STPG2: variants seen among roughly 807,000 people sequenced by gnomAD.
The protein encoded by STPG2 is sperm-tail PG-rich repeat-containing protein 2.
Under a neutral mutation model 54.2 loss-of-function variants are expected in STPG2, and 56 were observed. The ratio of observed to expected loss-of-function variants is 1.03; its 90% CI spans 0.83 to 1.29. The LOEUF (loss-of-function observed/expected upper bound fraction) is 1.29. Ranked by LOEUF, STPG2 falls within the 50% of genes most tolerant of loss-of-function variation. The pLI is 0.00. For missense variants in STPG2, 596 were observed against 544.9 expected (o/e 1.09, Z -0.93); for synonymous variants, 200 against 181.8 (o/e 1.10, Z -0.81).
At chr4:97,531,507 C>G (rs887709182) in intron 4 of STPG2, among the ~76,000 whole-genome samples, 20 of 152,114 alleles carry the variant, frequency 1.3e-4, no homozygotes, top group African/African-American at 4.8e-4. Context: ...TACTTAGACA[C>G]AATGGAGAAC....
chr4:98,040,915 CA>C (rs1035339788), intron 5 of STPG2, among the ~76,000 whole-genome samples: 3 of 151,096 alleles, frequency 2.0e-5, no homozygotes, highest in African/African-American at 7.3e-5. Flanking sequence ...CTTTAAGAAT[CA>C]ACATTGAATC....
intron 8 of STPG2, among the ~76,000 whole-genome samples, chr4:97,851,763 C>T (rs1351150898): frequency 1.3e-5 from 2 of 152,024 alleles, no homozygotes; most frequent in Non-Finnish European, 2.9e-5. Flanking sequence ...CTTCTCTTTG[C>T]TATCAAAAAG....
At chr4:97,530,327 T>C (rs908484592) in intron 4 of STPG2, among the ~76,000 whole-genome samples, 6 of 152,178 alleles carry the variant, frequency 3.9e-5, no homozygotes, top group African/African-American at 1.4e-4. Context: ...CTATCTGTGA[T>C]AGTCTGAGAA....
At chr4:97,578,451 G>A (rs1286778087) in intron 10 of STPG2, among the ~76,000 whole-genome samples, 1 of 152,114 alleles carries the variant, frequency 6.6e-6, no homozygotes, top group Non-Finnish European at 1.5e-5. Context: ...CTGAAGAAGG[G>A]AGCAGTGTTA....
chr4:97,685,813 C>A (rs1723171067), intron 10 of STPG2, among the ~76,000 whole-genome samples: 1 of 152,134 alleles, frequency 6.6e-6, no homozygotes, highest in Admixed American at 6.5e-5. Flanking sequence ...GTGCTTTCAG[C>A]AAAATATTTC....
intron 4 of STPG2, among the ~76,000 whole-genome samples, chr4:97,459,441 T>G (rs1435592598): frequency 2.6e-5 from 3 of 114,094 alleles, no homozygotes; most frequent in East Asian, 2.2e-4. Flanking sequence ...TTTTTTTTTG[T>G]TTTTTTTTTT....
At chr4:97,635,932 C>A (rs368924549) in intron 10 of STPG2, among the ~76,000 whole-genome samples, 2 of 151,600 alleles carry the variant, frequency 1.3e-5, no homozygotes, top group East Asian at 3.9e-4. Flanking sequence ...GACAGATCAA[C>A]GAGACAGAAA....
At chr4:97,796,148 G>A (rs1392095562) in intron 9 of STPG2, among the ~76,000 whole-genome samples, 8 of 152,084 alleles carry the variant, frequency 5.3e-5, no homozygotes, top group Non-Finnish European at 1.2e-4. Context: ...CATTCTGTAG[G>A]TTGCCTGTTC....
intron 4 of STPG2, among the ~76,000 whole-genome samples, chr4:97,539,782 A>G (rs1407481269): frequency 1.3e-5 from 2 of 151,968 alleles, no homozygotes; most frequent in Non-Finnish European, 2.9e-5. Context: ...ACCTATTCTC[A>G]GACCAAAGTG....
intron 4 of STPG2, among the ~76,000 whole-genome samples, chr4:98,107,144 T>A (rs1739211834): frequency 6.6e-6 from 1 of 152,124 alleles, no homozygotes; most frequent in Admixed American, 6.6e-5. Flanking sequence ...AATTTATATG[T>A]GGAATATCAG....
chr4:97,717,607 C>G (rs552913864), intron 9 of STPG2, among the ~76,000 whole-genome samples: 1 of 152,272 alleles, frequency 6.6e-6, no homozygotes, highest in Non-Finnish European at 1.5e-5. Flanking sequence ...TCAAAATGTA[C>G]ATCCATAAGC....
At chr4:97,926,701 T>A (rs1373039086) in intron 8 of STPG2, among the ~76,000 whole-genome samples, 1 of 152,084 alleles carries the variant, frequency 6.6e-6, no homozygotes, top group Non-Finnish European at 1.5e-5. Flanking sequence ...TTCAAGGAAG[T>A]GTGAAAAACA....
rs527361055 is a variant in STPG2 at position 97,767,759 on chromosome 4, T to C, written c.1205-54945A>G. Among the ~76,000 whole-genome samples the C allele has an allele frequency of 2.9e-4, 44 of 152,322 alleles. 1 individual carries two copies. Among genetic ancestry groups the C allele is most frequent in the Admixed American group, 9.2e-4 (14 of 15,298 alleles). ...GATAAGCCCACACAAAAATTAGTGT[T>C]TGATTTGGCTTTTTCCTAACAATCT... On this transcript the variant is annotated intron_variant, in intron 9 of 10. Transcript: ENST00000295268.
chr4:97,887,954 G>A (rs999820813), intron 8 of STPG2, among the ~76,000 whole-genome samples: 3 of 152,190 alleles, frequency 2.0e-5, no homozygotes, highest in Admixed American at 1.3e-4. Context: ...TTCAGGTACA[G>A]CTCAGGCCAC....
chr4:97,651,244 A>G (rs1722058138), intron 10 of STPG2, among the ~76,000 whole-genome samples: 1 of 152,126 alleles, frequency 6.6e-6, no homozygotes, highest in Admixed American at 6.6e-5. Flanking sequence ...CCCAATACAA[A>G]GCAGACATTA....
chr4:97,833,761 C>T (rs687795), intron 9 of STPG2, among the ~76,000 whole-genome samples: 2 of 151,830 alleles, frequency 1.3e-5, no homozygotes, highest in South Asian at 2.1e-4. Flanking sequence ...AAACAAAAAA[C>T]CTCGTCATCA....
intron 4 of STPG2, among the ~76,000 whole-genome samples, chr4:97,464,379 C>T (rs1289653093): frequency 2.0e-5 from 3 of 152,048 alleles, no homozygotes; most frequent in Non-Finnish European, 2.9e-5. Flanking sequence ...GTAGTGGTGC[C>T]ACTGTTCATT....
At chr4:97,987,105 A>G (rs997963039) in intron 5 of STPG2, among the ~76,000 whole-genome samples, 1 of 152,196 alleles carries the variant, frequency 6.6e-6, no homozygotes, top group Admixed American at 6.5e-5. Context: ...GTGAATTCCT[A>G]CATAATATTA....
chr4:97,962,086 T>C (rs1038585841), intron 7 of STPG2, among the ~76,000 whole-genome samples: 4 of 152,294 alleles, frequency 2.6e-5, no homozygotes, highest in Non-Finnish European at 1.5e-5. Context: ...AGACTATTAT[T>C]CTTAGCGAAG....
Sources: gnomAD v4.1 joint callset for allele counts (sites outside exome capture counted in the v4.1 genomes callset) on GRCh38, gnomAD v4.1.1 for gene constraint, MANE v1.5 for transcripts, NCBI Gene and HGNC (gene_info 2026-07-23, HGNC 2026-07-21) for gene names.